XXYLT1: variants seen among roughly 807,000 people sequenced by gnomAD.
The protein encoded by XXYLT1 is UDP-xylose:alpha-xyloside alpha-1,3-xylosyltransferase.
In XXYLT1, 20 loss-of-function variants were observed where a neutral mutation model predicts 28.9. The observed-to-expected ratio is 0.69, with a 90% CI of 0.49 to 1.00. The LOEUF is 1.00. Among genes scored for constraint, XXYLT1 ranks in the 50% least tolerant of loss-of-function variants. The pLI is 0.00. For synonymous variants in XXYLT1, 257 were observed against 253.8 expected (o/e 1.01, Z -0.12); for missense variants, 542 against 560.1 (o/e 0.97, Z 0.33).
intron 3 of XXYLT1, among the ~76,000 whole-genome samples, chr3:195,074,408 A>G (rs1247118140): frequency 2.0e-5 from 3 of 152,186 alleles, no homozygotes; most frequent in Non-Finnish European, 4.4e-5. Flanking sequence ...GAGGCTGTGC[A>G]GTCAGTGAGG....
chr3:195,098,928 T>C (rs1016401256), intron 3 of XXYLT1, among the ~76,000 whole-genome samples: 18 of 152,232 alleles, frequency 1.2e-4, no homozygotes, highest in Non-Finnish European at 2.1e-4. Context: ...TGAGCGGCCC[T>C]GTTGACTTGG....
Position 195,193,282 on chromosome 3 carries a change from C to T in XXYLT1, c.652+33427G>A, listed in dbSNP as rs375963876. Reference sequence around the variant, plus strand: ...CAGCCTGTGCCACAGAGCGAGACTCCGTCTAAAAAAAAAAAAAAAGCCATT... The same window carrying T: ...CAGCCTGTGCCACAGAGCGAGACTCTGTCTAAAAAAAAAAAAAAAGCCATT... On this transcript the variant is annotated intron_variant, in intron 2 of 3. Coordinates refer to ENST00000310380, the MANE Select transcript of XXYLT1 (RefSeq NM_152531.5). Among the ~76,000 whole-genome samples the T allele has an allele frequency of 6.7e-4, 96 of 143,336 alleles. 1 individual carries two copies. In the East Asian group the frequency reaches 0.018, roughly 26 times the overall value. The allele number at this position is 143,336 out of a possible 152,430, so 94.0% of individuals were successfully genotyped here.
rs369762567 is a variant in XXYLT1, at chr3:195,159,854, G to A, written c.653-3273C>T. 9.2e-5 allele frequency among the ~76,000 whole-genome samples: 14 copies of A among 152,258 alleles called. No homozygotes were observed. The South Asian group carries it at 1.4e-3, about 16-fold the overall frequency. ...AATCAACATTCCCAAGGGGATGTGC[G>A]GTTGGAATTGGCGGTGGTGGATCTC... is the stretch of plus-strand genomic sequence containing the variant. On this transcript the variant is annotated intron_variant, in intron 2 of 3. Coordinates refer to ENST00000310380, the MANE Select transcript of XXYLT1 (RefSeq NM_152531.5).
chr3:195,217,866 A>G (rs1330702616), intron 2 of XXYLT1, among the ~76,000 whole-genome samples: 42 of 145,058 alleles, frequency 2.9e-4, no homozygotes, highest in African/African-American at 1.1e-3. Flanking sequence ...GTCAATCCTA[A>G]GCCAAAAGAA....
At position 195,088,054 on chromosome 3, in the gene XXYLT1, A is replaced by G. The variant is rs373915363; in HGVS notation, c.786-17943T>C. Among the ~76,000 whole-genome samples, 58 of 152,122 alleles carry G rather than the reference A, an allele frequency of 3.8e-4. No individual in the cohort carries two copies. The East Asian group carries it at 6.2e-3, about 16-fold the overall frequency. On this transcript the variant is annotated intron_variant, in intron 3 of 3. Transcript: ENST00000310380. ...GGTCCTACCCCACGGAGTCTCGCTG[A>G]TTGCCAGCACAGCGGTCTGAGATCA... is the stretch of plus-strand genomic sequence containing the variant.
intron 1 of XXYLT1, among the ~76,000 whole-genome samples, chr3:195,241,450 A>T (rs191392494): frequency 6.6e-6 from 1 of 152,264 alleles, no homozygotes; most frequent in East Asian, 1.9e-4. Flanking sequence ...CTACCTATTG[A>T]TCTCTCCCCA....
chr3:195,072,116 G>A (rs528174423), intron 3 of XXYLT1, among the ~76,000 whole-genome samples: 2 of 152,280 alleles, frequency 1.3e-5, no homozygotes, highest in African/African-American at 4.8e-5. Flanking sequence ...GCACAGCAGG[G>A]CCACAGGAAA....
chr3:195,232,312 C>T (rs111555534), intron 1 of XXYLT1, among the ~76,000 whole-genome samples: 211 of 148,952 alleles, frequency 1.4e-3, no homozygotes, highest in African/African-American at 5.0e-3. Context: ...TCAATTTTAT[C>T]TTTTCAAAAT....
intron 3 of XXYLT1, among the ~76,000 whole-genome samples, chr3:195,120,067 T>G (rs1310856471): frequency 6.6e-6 from 1 of 152,222 alleles, no homozygotes; most frequent in Non-Finnish European, 1.5e-5. Context: ...ACTCACATGC[T>G]GTCTCTTTTC....
chr3:195,248,708 A>G (rs1183131081), intron 1 of XXYLT1, among the ~76,000 whole-genome samples: 1 of 152,214 alleles, frequency 6.6e-6, no homozygotes, highest in Non-Finnish European at 1.5e-5. Flanking sequence ...ACCTGCAGTC[A>G]GGAGTTTGAG....
intron 1 of XXYLT1, among the ~76,000 whole-genome samples, chr3:195,238,257 C>T (rs76821129): frequency 0.031 from 4,694 of 152,204 alleles, 139 homozygotes; most frequent in East Asian, 0.1. Flanking sequence ...CTCTTCCCAC[C>T]GTCTGTAATT....
At chr3:195,097,144 G>C (rs1208317124) in intron 3 of XXYLT1, among the ~76,000 whole-genome samples, 1 of 152,194 alleles carries the variant, frequency 6.6e-6, no homozygotes, top group East Asian at 1.9e-4. Flanking sequence ...TCTGCTGCTG[G>C]TGTGGCCCAG....
intron 1 of XXYLT1, among the ~76,000 whole-genome samples, chr3:195,234,463 C>A (rs1255669435): frequency 6.6e-6 from 1 of 151,738 alleles, no homozygotes; most frequent in Non-Finnish European, 1.5e-5. Context: ...GGATTACAGG[C>A]GTCTGCCACC....
intron 1 of XXYLT1, among the ~76,000 whole-genome samples, chr3:195,238,627 A>G (rs111798096): frequency 0.067 from 10,127 of 152,124 alleles, 1,147 homozygotes; most frequent in African/African-American, 0.23. Flanking sequence ...CTGTCACCAC[A>G]TGCTTCCTGT....
At chr3:195,149,362 C>T (rs1206718116) in intron 3 of XXYLT1, among the ~76,000 whole-genome samples, 2 of 152,144 alleles carry the variant, frequency 1.3e-5, no homozygotes, top group Non-Finnish European at 2.9e-5. Context: ...GAGGAAAGGG[C>T]ATAGTCGGCT....
chr3:195,179,928 C>T (rs571712311), intron 2 of XXYLT1, among the ~76,000 whole-genome samples: 53 of 152,324 alleles, frequency 3.5e-4, no homozygotes, highest in African/African-American at 1.2e-3. Flanking sequence ...GATGCCTCCC[C>T]GTGATCCCTC....
At chr3:195,120,292 C>G (rs1277810404) in intron 3 of XXYLT1, among the ~76,000 whole-genome samples, 1 of 143,880 alleles carries the variant, frequency 7.0e-6, no homozygotes, top group African/African-American at 2.5e-5. Context: ...ATGCCCCCCC[C>G]GCCCCAGCCC....
At chr3:195,261,011 G>A (rs974078642) in intron 1 of XXYLT1, among the ~76,000 whole-genome samples, 2 of 152,220 alleles carry the variant, frequency 1.3e-5, no homozygotes, top group Non-Finnish European at 2.9e-5. Flanking sequence ...CTGCTAGCGG[G>A]GTCCTGAAGT....
chr3:195,247,944 G>A (rs773018754), intron 1 of XXYLT1: 9 of 584,080 alleles, frequency 1.5e-5, no homozygotes, highest in East Asian at 6.3e-5. Context: ...AGGAAGTCCC[G>A]CCCCTGTGGT....
Sources: gnomAD v4.1 joint callset for allele counts (sites outside exome capture counted in the v4.1 genomes callset) on GRCh38, gnomAD v4.1.1 for gene constraint, MANE v1.5 for transcripts, NCBI Gene and HGNC (gene_info 2026-07-23, HGNC 2026-07-21) for gene names.